The following BAIAP2L1 variants were observed in gnomAD, a reference collection of about 807,000 sequenced individuals.
The protein encoded by BAIAP2L1 is BAR/IMD domain containing adaptor protein 2 like 1, also known as BAR/IMD domain-containing adapter protein 2-like 1.
Under a neutral mutation model 66.3 loss-of-function variants are expected in BAIAP2L1, and 35 were observed. The observed-to-expected ratio is 0.53, with a 90% CI of 0.40 to 0.70. BAIAP2L1 has a LOEUF of 0.70. Among genes scored for constraint, BAIAP2L1 ranks in the 30% least tolerant of loss-of-function variants. The probability of loss-of-function intolerance (pLI) is 0.00; values close to 1 mark genes in which losing one functional copy is unlikely to be tolerated. For synonymous variants in BAIAP2L1, 269 were observed against 248.7 expected, an observed-to-expected ratio of 1.08 and a Z score of -0.77; for missense variants, 622 against 656.9, an observed-to-expected ratio of 0.95 and a Z score of 0.58.
At chr7:98,315,891 G>A (rs943196857) in intron 6 of BAIAP2L1, among the ~76,000 whole-genome samples, 19 of 152,130 alleles carry the variant, frequency 1.2e-4, no homozygotes, top group African/African-American at 4.3e-4. Context: ...AGATATGATC[G>A]TGTCCTACTG....
At chr7:98,318,128 A>G (rs1036331543) in intron 5 of BAIAP2L1, among the ~76,000 whole-genome samples, 2 of 152,188 alleles carry the variant, frequency 1.3e-5, no homozygotes, top group African/African-American at 2.4e-5. Flanking sequence ...CTCAGTTCAC[A>G]TTGCCCCCTT....
rs1017170947 is a variant in BAIAP2L1, at chr7:98,386,541, T to G, written c.51+14261A>C. 1.0e-5 allele frequency: 16 copies of G among 1,596,962 alleles called. No individual in the cohort carries two copies. The South Asian group carries it at 1.8e-4, about 18-fold the overall frequency. On this transcript the variant is annotated intron_variant, in intron 1 of 13. Coordinates refer to ENST00000005260, the MANE Select transcript of BAIAP2L1 (RefSeq NM_018842.5). Reference sequence around the variant, plus strand: ...ATCAACCACTTTCTTCTTGGCTCCCTTTTTGCCGCCTTTCGTAAGGCGCTT... The same window carrying G: ...ATCAACCACTTTCTTCTTGGCTCCCGTTTTGCCGCCTTTCGTAAGGCGCTT...
rs1254895317 is a variant in BAIAP2L1, at chr7:98,306,757, G to A, written c.1164-241C>T. The A allele has an allele frequency of 1.9e-5, 10 of 523,974 alleles. No homozygotes were observed. The East Asian group carries it at 4.0e-4, about 21-fold the overall frequency. The allele number at this position is 523,974 out of a possible 1,614,324, so 32.5% of individuals were successfully genotyped here. ...GGGTCTCGCTCTGTTGCCCAGGCTGGAGTGCAGTGGTGCGATCATAGCTCA... is the reference window on the plus strand; with the variant it reads ...GGGTCTCGCTCTGTTGCCCAGGCTGAAGTGCAGTGGTGCGATCATAGCTCA... On this transcript the variant is annotated intron_variant, in intron 10 of 13. Transcript: ENST00000005260.
chr7:98,342,041 A>ATTTTTTTTTTTT (rs142061599), intron 3 of BAIAP2L1, among the ~76,000 whole-genome samples: 4 of 95,070 alleles, frequency 4.2e-5, no homozygotes, highest in Non-Finnish European at 8.0e-5. Flanking sequence ...TTTTTTTCTG[A>ATTTTTTTTTTTT]TTTTTTTTTT....
chr7:98,357,267 T>C (rs6963326), intron 2 of BAIAP2L1, among the ~76,000 whole-genome samples: 2,951 of 150,068 alleles, frequency 0.02, 104 homozygotes, highest in African/African-American at 0.069. Flanking sequence ...TTAGGATTTA[T>C]TGTAGAGTTA....
intron 1 of BAIAP2L1, among the ~76,000 whole-genome samples, chr7:98,365,568 T>C (rs984561340): frequency 1.3e-5 from 2 of 152,210 alleles, no homozygotes; most frequent in Admixed American, 1.3e-4. Flanking sequence ...CCTCCCAGGC[T>C]CAAGTGATCC....
chr7:98,299,119 G>C (rs1177717589), intron 12 of BAIAP2L1, among the ~76,000 whole-genome samples: 1 of 152,122 alleles, frequency 6.6e-6, no homozygotes, highest in Non-Finnish European at 1.5e-5. Context: ...GGGTTCAACT[G>C]ATTCTCCTGC....
chr7:98,303,827 T>C (rs568706571), intron 12 of BAIAP2L1, among the ~76,000 whole-genome samples: 1 of 152,332 alleles, frequency 6.6e-6, no homozygotes, highest in South Asian at 2.1e-4. Context: ...CCACTTTTAA[T>C]GTAAGCCTCT....
intron 3 of BAIAP2L1, among the ~76,000 whole-genome samples, chr7:98,323,756 T>C (rs1801309446): frequency 6.6e-6 from 1 of 152,194 alleles, no homozygotes; most frequent in Admixed American, 6.5e-5. Flanking sequence ...TCACTGCTCC[T>C]GGAATTCAGA....
intron 3 of BAIAP2L1, among the ~76,000 whole-genome samples, chr7:98,338,635 G>A (rs1396541542): frequency 6.6e-6 from 1 of 152,108 alleles, no homozygotes; most frequent in East Asian, 1.9e-4. Flanking sequence ...AGGTTCACCC[G>A]TATTGCAGCA....
intron 1 of BAIAP2L1, 35 bp downstream of exon 1, chr7:98,400,767 C>A (rs1415094296): frequency 3.2e-6 from 5 of 1,548,240 alleles, no homozygotes; most frequent in Non-Finnish European, 4.4e-6. Flanking sequence ...AGGTGGAAAG[C>A]CCTGACCTCC....
At chr7:98,358,434 T>C (rs1379869582) in intron 2 of BAIAP2L1, among the ~76,000 whole-genome samples, 1 of 152,054 alleles carries the variant, frequency 6.6e-6, no homozygotes, top group Non-Finnish European at 1.5e-5. Flanking sequence ...CATAGCTCAC[T>C]GCAGCCTCCA....
intron 1 of BAIAP2L1, among the ~76,000 whole-genome samples, chr7:98,384,253 T>C (rs1397654481): frequency 7.2e-5 from 11 of 151,806 alleles, no homozygotes; most frequent in Admixed American, 7.2e-4. Context: ...CACAGAGACG[T>C]GGTGAAAATA....
At chr7:98,310,664 T>C in intron 8 of BAIAP2L1, 72 bp from the exon 9 acceptor site, 6 of 722,736 alleles carry the variant, frequency 8.3e-6, no homozygotes, top group African/African-American at 2.0e-5. Context: ...CCCAAGGCTG[T>C]TTTTTTTTTT....
chr7:98,326,834 T>C (rs950133208), intron 3 of BAIAP2L1, among the ~76,000 whole-genome samples: 1 of 151,884 alleles, frequency 6.6e-6, no homozygotes, highest in Non-Finnish European at 1.5e-5. Flanking sequence ...TTGTATGGTC[T>C]GAAAGTGTTT....
At chr7:98,295,085 A>C in intron 12 of BAIAP2L1, among the ~76,000 whole-genome samples, 1 of 152,276 alleles carries the variant, frequency 6.6e-6, no homozygotes. Context: ...CAGCACCCCC[A>C]GGGGGTCTCA....
chr7:98,311,761 C>T (rs902849304), intron 8 of BAIAP2L1, among the ~76,000 whole-genome samples: 2 of 151,876 alleles, frequency 1.3e-5, no homozygotes, highest in East Asian at 3.9e-4. Flanking sequence ...CAAAAATTAG[C>T]CAGGCATGGT....
chr7:98,356,874 T>C (rs566098230), intron 2 of BAIAP2L1, among the ~76,000 whole-genome samples: 2 of 145,546 alleles, frequency 1.4e-5, no homozygotes, highest in African/African-American at 5.1e-5. Flanking sequence ...ACGCCTATAG[T>C]AGTCCCAGCT....
intron 3 of BAIAP2L1, among the ~76,000 whole-genome samples, chr7:98,343,389 TGCAGTGA>T (rs1343676420): frequency 6.6e-6 from 1 of 151,894 alleles, no homozygotes; most frequent in Admixed American, 6.6e-5. Flanking sequence ...AGGTGGAGCT[TGCAGTGA>T]GCCAAGATCA....
Sources: allele counts gnomAD v4.1 joint callset (sites outside exome capture counted in the v4.1 genomes callset), GRCh38; gene constraint gnomAD v4.1.1; transcripts MANE v1.5; gene names NCBI Gene and HGNC (gene_info 2026-07-23, HGNC 2026-07-21).